Variants in MYH9 observed in about 807,000 individuals in gnomAD.
MYH9 encodes myosin heavy chain 9.
In MYH9, 29 loss-of-function variants were observed where a neutral mutation model predicts 241.9. The ratio of observed to expected loss-of-function variants is 0.12; its 90% CI spans 0.09 to 0.16. The LOEUF (loss-of-function observed/expected upper bound fraction) is 0.16. MYH9 is among the 10% of genes least tolerant of loss of function. The pLI is 1.00. For missense variants in MYH9, 1,803 were observed against 2,595.5 expected, an observed-to-expected ratio of 0.69 and a Z score of 6.63; for synonymous variants, 1,047 against 1,062.6, an observed-to-expected ratio of 0.99 and a Z score of 0.29.
chr22:36,376,954 T>C (rs1042083916), intron 1 of MYH9, among the ~76,000 whole-genome samples: 1 of 151,840 alleles, frequency 6.6e-6, no homozygotes, highest in Non-Finnish European at 1.5e-5. Context: ...TCCCAGCTAC[T>C]TGGGAGGATG....
In MYH9 at chr22:36,312,055, G is replaced by A. The variant is rs373381680; in HGVS notation, c.1722C>T (p.Ala574=). The change falls in exon 14 of 41, where the codon GCC becomes GCT. Residue 574 remains alanine (A), a synonymous_variant. Transcript: ENST00000216181. ...CCCCGTGAGCGCTCCTCACCTTGCC[G>A]GCATAGTGGATAATGCAGAAATCAG... The part of the protein sequence containing the change: ...DKADFCIIHY[A]GKVDYKADEW... 43 of 1,613,924 alleles carry A rather than the reference G, an allele frequency of 2.7e-5. No individual in the cohort carries two copies. The highest frequency in any genetic ancestry group is 5.3e-5 in the African/African-American group (4 of 74,892).
intron 1 of MYH9, among the ~76,000 whole-genome samples, chr22:36,375,364 G>A (rs2018149825): frequency 6.6e-6 from 1 of 152,194 alleles, no homozygotes; most frequent in African/African-American, 2.4e-5. Context: ...TTGAAAAATG[G>A]CCAGTGGGGT....
At chr22:36,341,668 C>A (rs2017593226) in intron 2 of MYH9, 142 bp from the exon 3 acceptor site, 1 of 917,568 alleles carries the variant, frequency 1.1e-6, no homozygotes, top group Non-Finnish European at 1.7e-6. Flanking sequence ...CCCTTGCTCC[C>A]AGTGGCCCAG....
chr22:36,366,710 C>T (rs2018016514), intron 1 of MYH9, among the ~76,000 whole-genome samples: 1 of 152,170 alleles, frequency 6.6e-6, no homozygotes, highest in Admixed American at 6.5e-5. Flanking sequence ...ATCACCCCTC[C>T]CATCTCCAGG....
chr22:36,351,704 G>A (rs1046562713), intron 1 of MYH9, among the ~76,000 whole-genome samples: 1 of 151,886 alleles, frequency 6.6e-6, no homozygotes, highest in African/African-American at 2.4e-5. Context: ...AGCAATCACA[G>A]AACACAGGTC....
chr22:36,359,449 G>T (rs905001407), intron 1 of MYH9, among the ~76,000 whole-genome samples: 2 of 152,182 alleles, frequency 1.3e-5, no homozygotes, highest in Non-Finnish European at 2.9e-5. Context: ...AACCACACAC[G>T]CGTAAGGGTT....
chr22:36,285,008 G>T lies in MYH9; in HGVS notation c.5483+113C>A. 9.8e-7 allele frequency: 1 copy of T among 1,020,104 alleles called. No individual in the cohort carries two copies. Among genetic ancestry groups the T allele is most frequent in the Non-Finnish European group, 1.5e-6 (1 of 684,068 alleles). The allele number at this position is 1,020,104 out of a possible 1,614,324, so 63.2% of individuals were successfully genotyped here. A position where few individuals can be genotyped will look rare whatever the true frequency, so the allele number is the denominator to read the frequency against. On this transcript the variant is annotated intron_variant, in intron 38 of 40. Coordinates refer to ENST00000216181, the MANE Select transcript of MYH9 (RefSeq NM_002473.6). The surrounding 1 kb of genome is among the most constrained non-coding windows in gnomAD (Gnocchi z 7.0). Reference sequence around the variant, plus strand: ...GGCCCCATCAGGAGGGAGGGAAACAGCCCCAGGCTCAGGAGACAGAGAGCT... The same window carrying T: ...GGCCCCATCAGGAGGGAGGGAAACATCCCCAGGCTCAGGAGACAGAGAGCT...
chr22:36,384,239 C>T (rs1433098113), intron 1 of MYH9, among the ~76,000 whole-genome samples: 4 of 151,438 alleles, frequency 2.6e-5, no homozygotes, highest in Non-Finnish European at 5.9e-5. Flanking sequence ...CCACTGCACT[C>T]TAGCCTGGGC....
intron 1 of MYH9, among the ~76,000 whole-genome samples, chr22:36,349,492 G>C (rs777925832): frequency 9.2e-5 from 14 of 152,214 alleles, no homozygotes; most frequent in Admixed American, 6.5e-5. Flanking sequence ...CACTTTGGGA[G>C]GCCAAGGTAG....
At position 36,310,140 on chromosome 22, in the gene MYH9, CAGGGCTGTAATCTCAGCCCCTAGG is replaced by C. The variant is rs575516084; in HGVS notation, c.1729-768_1729-745del. Among the ~76,000 whole-genome samples, 1,002 of 151,966 alleles carry C rather than the reference CAGGGCTGTAATCTCAGCCCCTAGG, an allele frequency of 6.6e-3. 23 individuals carry two copies. The highest frequency in any genetic ancestry group is 0.045 in the Admixed American group (680 of 15,270). ...TGGCACGTGCCTGTAATCCCAGCTA[CAGGGCTGTAATCTCAGCCCCTAGG>C]GGGGCTGAGGCAGGAGGATCGCTTG... On this transcript the variant is annotated intron_variant, in intron 14 of 40. Coordinates refer to ENST00000216181, the MANE Select transcript of MYH9 (RefSeq NM_002473.6).
rs754110601 is a variant in MYH9, at chr22:36,285,739, G to A, written c.5193C>T (p.Ile1731=). The change falls in exon 37 of 41, where the codon ATC becomes ATT. Residue 1731 remains isoleucine, a synonymous_variant. Coordinates refer to ENST00000216181, the MANE Select transcript of MYH9 (RefSeq NM_002473.6). This position sits in a 1 kb window ranked among gnomAD's most constrained non-coding sequence, Gnocchi z 7.0. The part of the protein sequence containing the change: ...LEEKRRLEAR[I]AQLEEELEEE... ...CCTCCAGCTCCTCCTCCAGCTGGGC[G>A]ATGCGGGCCTCCAGACGCCGCTTCT... 1.4e-5 allele frequency: 23 copies of A among 1,612,324 alleles called. No homozygotes were observed. In the African/African-American group the frequency reaches 1.5e-4, roughly 10 times the overall value.
At chr22:36,303,230 C>G (rs1228438886) in intron 19 of MYH9, among the ~76,000 whole-genome samples, 1 of 152,040 alleles carries the variant, frequency 6.6e-6, no homozygotes, top group East Asian at 1.9e-4. Flanking sequence ...TCCCCGAGCA[C>G]AAGGGGACGA....
chr22:36,305,045 C>T lies in MYH9; in HGVS notation c.2217G>A (p.Ala739=), dbSNP rs756586731. 7 of 1,613,994 alleles carry T rather than the reference C, an allele frequency of 4.3e-6. No homozygotes were observed. Among genetic ancestry groups the T allele is most frequent in the South Asian group, 2.2e-5 (2 of 91,076 alleles). ...CAGCTCAACTCACCATGAGCACGCA[C>T]GCCTGCTTCCCGTCCATGAAACCCT... ...IPKGFMDGKQ[A]CVLMIKALEL... is the part of the protein sequence containing the mutation. The change falls in exon 18 of 41, where the codon GCG becomes GCA. Residue 739 remains alanine, a synonymous_variant. Coordinates refer to ENST00000216181, the MANE Select transcript of MYH9 (RefSeq NM_002473.6). This position sits in a 1 kb window ranked among gnomAD's most constrained non-coding sequence, Gnocchi z 4.7.
intron 3 of MYH9, 145 bp downstream of exon 3, chr22:36,341,225 A>G: frequency 3.2e-6 from 3 of 952,056 alleles, no homozygotes; most frequent in Non-Finnish European, 4.9e-6. Context: ...GCTTTCATAC[A>G]GAGGTCTACA....
chr22:36,298,913 C>G lies in MYH9; in HGVS notation c.3100+6G>C. ...GCCCATCACCTCCTGCTCGTCACCC[C>G]CTCACCTTCCAAGTCAGTGATCATT... is the stretch of plus-strand genomic sequence containing the variant. On this transcript the variant is annotated splice_donor_region_variant and intron_variant, in intron 24 of 40. Coordinates refer to ENST00000216181, the MANE Select transcript of MYH9 (RefSeq NM_002473.6). The G allele has an allele frequency of 3.1e-6, 5 of 1,613,726 alleles. No individual in the cohort carries two copies. The highest frequency in any genetic ancestry group is 4.2e-6 in the Non-Finnish European group (5 of 1,179,922).
In MYH9 at chr22:36,305,069, C is replaced by G. The variant is rs779077719; in HGVS notation, c.2193G>C (p.Lys731Asn). The G allele has an allele frequency of 1.2e-6, 2 of 1,614,128 alleles. No individual in the cohort carries two copies. Among genetic ancestry groups the G allele is most frequent in the South Asian group, 2.2e-5 (2 of 91,076 alleles). ...ACGCCTGCTTCCCGTCCATGAAACC[C>G]TTGGGAATGGAGTTTGGAGTCAGGA... ...YEILTPNSIP[K>N]GFMDGKQACV... The change falls in exon 18 of 41, where the codon AAG (lysine) becomes AAC (asparagine). Residue 731 changes from lysine to asparagine, a missense_variant. Transcript: ENST00000216181. The surrounding 1 kb of genome is among the most constrained non-coding windows in gnomAD (Gnocchi z 4.7).
intron 1 of MYH9, among the ~76,000 whole-genome samples, chr22:36,375,950 A>AC (rs1205282561): frequency 4.9e-5 from 7 of 142,252 alleles, no homozygotes; most frequent in African/African-American, 1.8e-4. Context: ...AGTGCTCAAT[A>AC]ATTTCTTTTT....
intron 13 of MYH9, among the ~76,000 whole-genome samples, 188 bp from the exon 14 acceptor site, chr22:36,312,410 G>C (rs1007039950): frequency 6.6e-6 from 1 of 152,178 alleles, no homozygotes; most frequent in African/African-American, 2.4e-5. Context: ...CCCAGGCTGC[G>C]GCTGACACCT....
At chr22:36,301,202 C>T in intron 21 of MYH9, 145 bp from the exon 22 acceptor site, 3 of 836,286 alleles carry the variant, frequency 3.6e-6, no homozygotes, top group Middle Eastern at 3.3e-4. Context: ...TCTGAAGCTT[C>T]CAGGTACCTT....
Sources: allele counts gnomAD v4.1 joint callset (sites outside exome capture counted in the v4.1 genomes callset), GRCh38; gene constraint gnomAD v4.1.1; non-coding constraint Gnocchi (gnomAD v3.1); transcripts MANE v1.5; gene names NCBI Gene and HGNC (gene_info 2026-07-23, HGNC 2026-07-21).